Variants in GPAM observed in about 807,000 individuals in gnomAD.
GPAM encodes glycerol-3-phosphate acyltransferase 1, mitochondrial.
GPAM carries 56 observed loss-of-function variants against 105.0 expected under a neutral mutation model. The observed-to-expected ratio is 0.53, with a 90% CI of 0.43 to 0.67. The LOEUF (loss-of-function observed/expected upper bound fraction) is 0.67. Ranked by LOEUF, GPAM falls within the 30% of genes least tolerant of loss-of-function variation. The probability of loss-of-function intolerance (pLI) is 0.00; values close to 1 mark genes in which losing one functional copy is unlikely to be tolerated. For missense variants in GPAM, 855 were observed against 989.8 expected (o/e 0.86, Z 1.83); for synonymous variants, 368 against 354.4 (o/e 1.04, Z -0.43).
chr10:112,186,025 C>T (rs1847592409), upstream of GPAM, among the ~76,000 whole-genome samples: 1 of 151,848 alleles, frequency 6.6e-6, no homozygotes, highest in South Asian at 2.1e-4. Context: ...AACTTATAAA[C>T]CCAAAAAGCT....
chr10:112,210,501 A>AAC (rs2133305687), intron 1 of GPAM, among the ~76,000 whole-genome samples: 1 of 152,314 alleles, frequency 6.6e-6, no homozygotes, highest in South Asian at 2.1e-4. Flanking sequence ...ATGACCAGCA[A>AAC]ACAATGGGGG....
chr10:112,213,168 T>C (rs1371198797), intron 1 of GPAM, among the ~76,000 whole-genome samples: 1 of 152,220 alleles, frequency 6.6e-6, no homozygotes, highest in Non-Finnish European at 1.5e-5. Flanking sequence ...ACAATGTTTT[T>C]ACCATCAGCC....
intron 11 of GPAM, among the ~76,000 whole-genome samples, chr10:112,167,555 G>A (rs1847239784): frequency 6.6e-6 from 1 of 152,196 alleles, no homozygotes; most frequent in South Asian, 2.1e-4. Flanking sequence ...TAGACTACAT[G>A]CAACAATGTG....
chr10:112,190,981 G>T (rs1294453089), intron 1 of GPAM, among the ~76,000 whole-genome samples: 2 of 152,098 alleles, frequency 1.3e-5, no homozygotes, highest in African/African-American at 4.8e-5. Flanking sequence ...AAGTCTTAAA[G>T]AAGACTGAAC....
At position 112,167,577 on chromosome 10, in the gene GPAM, C is replaced by G. The variant is rs565704207; in HGVS notation, c.1107+735G>C. 1.1e-3 allele frequency among the ~76,000 whole-genome samples: 162 copies of G among 152,316 alleles called. 1 individual carries two copies. Among genetic ancestry groups the G allele is most frequent in the African/African-American group, 3.8e-3 (158 of 41,576 alleles). ...CATGCAACAATGTGGATGAATCTCA[C>G]AAACACCTGCTTAAGCAAAGGAAAC... On this transcript the variant is annotated intron_variant, in intron 11 of 21. Coordinates refer to ENST00000348367, the MANE Select transcript of GPAM (RefSeq NM_001244949.2).
At chr10:112,199,323 C>T (rs754087608) in intron 1 of GPAM, among the ~76,000 whole-genome samples, 1 of 152,058 alleles carries the variant, frequency 6.6e-6, no homozygotes, top group Non-Finnish European at 1.5e-5. Flanking sequence ...CATAATCTCA[C>T]TTATATGTGG....
intron 1 of GPAM, among the ~76,000 whole-genome samples, chr10:112,209,317 C>T (rs1847885082): frequency 6.6e-6 from 1 of 151,480 alleles, no homozygotes; most frequent in Non-Finnish European, 1.5e-5. Context: ...TCCATGCAAT[C>T]GGATGATTAG....
intron 1 of GPAM, among the ~76,000 whole-genome samples, chr10:112,203,012 AAGG>A (rs1185880001): frequency 6.6e-6 from 1 of 152,174 alleles, no homozygotes; most frequent in African/African-American, 2.4e-5. Context: ...ACAATGGACA[AAGG>A]AGGTAGTTTC....
At chr10:112,216,987 T>C (rs572084966), upstream of GPAM, among the ~76,000 whole-genome samples, 4 of 152,082 alleles carry the variant, frequency 2.6e-5, no homozygotes, top group South Asian at 6.2e-4. Flanking sequence ...AATTGATATA[T>C]AACGTCTCAT....
rs566762431 is a variant in GPAM at position 112,150,306 on chromosome 10, C to T, written c.*3244G>A. ...GCATTCAAACGTACAATACTTTCTT[C>T]TAGATCTGAATTAAAACCTTATTTA... On this transcript the variant is annotated 3_prime_UTR_variant, in exon 22 of 22. Transcript: ENST00000348367. 1 of 985,218 alleles carries T rather than the reference C, an allele frequency of 1.0e-6. No individual in the cohort carries two copies. The highest frequency in any genetic ancestry group is 1.7e-5 in the African/African-American group (1 of 57,244). The allele number at this position is 985,218 out of a possible 1,614,324, so 61.0% of individuals were successfully genotyped here.
At chr10:112,177,856 C>T in intron 5 of GPAM, 128 bp downstream of exon 5, 1 of 634,636 alleles carries the variant, frequency 1.6e-6, no homozygotes, top group South Asian at 1.8e-5. Context: ...GATAATCTCT[C>T]TTGTGTCAGA....
chr10:112,155,662 C>T (rs552554879), intron 20 of GPAM: 44 of 486,884 alleles, frequency 9.0e-5, no homozygotes, highest in African/African-American at 5.9e-4. Flanking sequence ...TCAAAAATAA[C>T]GTTACGTGAA....
chr10:112,181,307 T>C (rs184019785), intron 3 of GPAM, among the ~76,000 whole-genome samples: 1 of 152,142 alleles, frequency 6.6e-6, no homozygotes, highest in East Asian at 1.9e-4. Context: ...GAATTCATAC[T>C]ATAAGTTCCT....
chr10:112,156,207 G>T, intron 19 of GPAM, 154 bp from the exon 20 acceptor site: 1 of 671,024 alleles, frequency 1.5e-6, no homozygotes, highest in Non-Finnish European at 2.7e-6. Flanking sequence ...CTCATGCAGA[G>T]AATCTCTGCT....
At chr10:112,156,879 T>C in intron 19 of GPAM, 1 of 350,750 alleles carries the variant, frequency 2.9e-6, no homozygotes, top group Non-Finnish European at 5.1e-6. Flanking sequence ...ATATGAAATT[T>C]TGGGAGGGAC....
At position 112,164,528 on chromosome 10, in the gene GPAM, G is replaced by A. The variant is rs1202059972; in HGVS notation, c.1304C>T (p.Ser435Leu). 6.5e-7 allele frequency: 1 copy of A among 1,527,740 alleles called. No homozygotes were observed. Among genetic ancestry groups the A allele is most frequent in the Admixed American group, 1.7e-5 (1 of 59,904 alleles). The allele number at this position is 1,527,740 out of a possible 1,614,324, so 94.6% of individuals were successfully genotyped here. Residue 435 changes from serine to leucine, a missense_variant, in exon 13 of 22, where the codon TCA (serine) becomes TTA (leucine). By Grantham distance (145) the Ser-to-Leu change is moderately radical. Transcript: ENST00000348367. The stretch of plus-strand genomic sequence containing the variant: ...TAAACAATTCTACAAATTTTACCTT[G>A]AAGGAAGTATAGCTGGTAACAACGC... ...EQALLPAILP[S>L]RPSDAADEGR...
upstream of GPAM, among the ~76,000 whole-genome samples, chr10:112,188,477 A>G (rs1435170384): frequency 1.3e-5 from 2 of 152,160 alleles, no homozygotes; most frequent in Admixed American, 1.3e-4. Context: ...ATTAGATCCT[A>G]TAAAAAGCTG....
chr10:112,224,069 T>A, the GPAM span, among the ~76,000 whole-genome samples: 1 of 152,228 alleles, frequency 6.6e-6, no homozygotes, highest in Admixed American at 6.5e-5. Flanking sequence ...CAAGCTAAGA[T>A]GACATGTGTA....
chr10:112,210,888 T>C (rs1053231718), intron 1 of GPAM, among the ~76,000 whole-genome samples: 2 of 152,216 alleles, frequency 1.3e-5, no homozygotes, highest in Non-Finnish European at 2.9e-5. Flanking sequence ...GGAGCACTCA[T>C]GGGCAGCCAA....
Sources: gnomAD v4.1 joint callset for allele counts (sites outside exome capture counted in the v4.1 genomes callset) on GRCh38, gnomAD v4.1.1 for gene constraint, MANE v1.5 for transcripts, NCBI Gene and HGNC (gene_info 2026-07-23, HGNC 2026-07-21) for gene names.